The following CAP2 variants were observed in gnomAD, a reference collection of about 807,000 sequenced individuals.
CAP2 encodes cyclase associated actin cytoskeleton regulatory protein 2, also known as adenylyl cyclase-associated protein 2.
Under a neutral mutation model 57.7 loss-of-function variants are expected in CAP2, and 24 were observed. The ratio of observed to expected loss-of-function variants is 0.42; its 90% confidence interval spans 0.30 to 0.58. The LOEUF is 0.58. Among genes scored for constraint, CAP2 ranks in the 20% least tolerant of loss-of-function variants. The pLI, the probability that CAP2 is intolerant of heterozygous loss-of-function variation, is 0.22. For synonymous variants in CAP2, 194 were observed against 207.2 expected (o/e 0.94, Z 0.55); for missense variants, 501 against 590.3 (o/e 0.85, Z 1.57).
At chr6:17,476,332 A>G (rs1761150010) in intron 4 of CAP2, among the ~76,000 whole-genome samples, 1 of 152,226 alleles carries the variant, frequency 6.6e-6, no homozygotes, top group Admixed American at 6.5e-5. Flanking sequence ...GGATGGCCAT[A>G]GTAAATAATC....
intron 4 of CAP2, among the ~76,000 whole-genome samples, chr6:17,486,913 G>A (rs1221181818): frequency 1.3e-5 from 2 of 152,154 alleles, no homozygotes; most frequent in African/African-American, 2.4e-5. Context: ...TCCAGGCCCA[G>A]CCACTGCAGA....
At chr6:17,454,205 C>T (rs748629034) in intron 3 of CAP2, among the ~76,000 whole-genome samples, 8 of 152,040 alleles carry the variant, frequency 5.3e-5, no homozygotes, top group Non-Finnish European at 7.4e-5. Context: ...CCACTGCGTC[C>T]GGCTCAGGGC....
At chr6:17,526,567 G>C (rs894787238) in intron 7 of CAP2, among the ~76,000 whole-genome samples, 1 of 152,220 alleles carries the variant, frequency 6.6e-6, no homozygotes, top group African/African-American at 2.4e-5. Context: ...TCAGGAAACA[G>C]AAGGTAGTAT....
chr6:17,502,038 G>A (rs1761835050), intron 4 of CAP2, among the ~76,000 whole-genome samples: 1 of 152,200 alleles, frequency 6.6e-6, no homozygotes, highest in Non-Finnish European at 1.5e-5. Flanking sequence ...TTAACAAAAA[G>A]TAATCTGAGT....
At chr6:17,433,111 T>C (rs1312162452) in intron 3 of CAP2, among the ~76,000 whole-genome samples, 1 of 152,032 alleles carries the variant, frequency 6.6e-6, no homozygotes, top group African/African-American at 2.4e-5. Context: ...AGGAATCTAG[T>C]CTCCAGAGTC....
chr6:17,446,660 C>T (rs1760266881), intron 3 of CAP2, among the ~76,000 whole-genome samples: 1 of 152,214 alleles, frequency 6.6e-6, no homozygotes, highest in African/African-American at 2.4e-5. Context: ...ACAGTTTAAA[C>T]ATCCATGTCT....
intron 1 of CAP2, among the ~76,000 whole-genome samples, chr6:17,402,177 G>A (rs558268324): frequency 2.0e-5 from 3 of 152,296 alleles, no homozygotes; most frequent in African/African-American, 4.8e-5. Flanking sequence ...GAATGGACCT[G>A]TAATGGAGAC....
chr6:17,524,893 CTT>C (rs11325666), intron 7 of CAP2, among the ~76,000 whole-genome samples: 358 of 109,602 alleles, frequency 3.3e-3, no homozygotes, highest in Non-Finnish European at 4.3e-3. Flanking sequence ...CTTTTCTTTT[CTT>C]TTTTTTTTTT....
intron 1 of CAP2, among the ~76,000 whole-genome samples, chr6:17,407,515 G>A (rs561565885): frequency 4.6e-4 from 69 of 151,050 alleles, no homozygotes; most frequent in African/African-American, 1.6e-3. Flanking sequence ...ATTGCCTCAC[G>A]CCTGTAATCC....
chr6:17,424,171 C>T (rs1043253759), intron 2 of CAP2, among the ~76,000 whole-genome samples: 4 of 151,908 alleles, frequency 2.6e-5, no homozygotes, highest in African/African-American at 7.3e-5. Flanking sequence ...GAGGCCGCGG[C>T]GAGCCGATCA....
At chr6:17,496,058 CT>C (rs1227216318) in intron 4 of CAP2, among the ~76,000 whole-genome samples, 1 of 134,062 alleles carries the variant, frequency 7.5e-6, no homozygotes, top group African/African-American at 2.7e-5. Context: ...GGAAAACAGG[CT>C]GCTTTACCTC....
intron 3 of CAP2, among the ~76,000 whole-genome samples, chr6:17,444,843 C>CACACAA (rs1554123214): frequency 5.7e-5 from 8 of 139,632 alleles, no homozygotes; most frequent in Non-Finnish European, 9.4e-5. Context: ...CACACACACA[C>CACACAA]AACACGAGTC....
intron 7 of CAP2, among the ~76,000 whole-genome samples, chr6:17,526,412 C>G (rs1762511920): frequency 6.6e-6 from 1 of 151,998 alleles, no homozygotes; most frequent in African/African-American, 2.4e-5. Flanking sequence ...GCCACCGCAC[C>G]CAGCCAAAAT....
chr6:17,502,925 G>A (rs1222355931), intron 4 of CAP2, among the ~76,000 whole-genome samples: 1 of 152,194 alleles, frequency 6.6e-6, no homozygotes, highest in Non-Finnish European at 1.5e-5. Flanking sequence ...CTTTGATCAG[G>A]TGTTGTATTT....
At position 17,465,438 on chromosome 6, in the gene CAP2, C is replaced by T. The variant is rs563493366; in HGVS notation, c.300+2365C>T. On this transcript the variant is annotated intron_variant, in intron 4 of 12. Coordinates refer to ENST00000229922, the MANE Select transcript of CAP2 (RefSeq NM_006366.3). ...ACGTCTGGCAGCACTTACCACAGTG[C>T]TCCATGTGCAATAAGGCCTGGACCA... Among the ~76,000 whole-genome samples, 6 of 152,318 alleles carry T rather than the reference C, an allele frequency of 3.9e-5. No individual in the cohort carries two copies. In the South Asian group the frequency reaches 1.0e-3, roughly 26 times the overall value.
chr6:17,531,797 C>T, intron 7 of CAP2: 1 of 571,562 alleles, frequency 1.7e-6, no homozygotes. Context: ...AAGATACCTG[C>T]AAATCACCCA....
At chr6:17,445,525 C>T (rs928743098) in intron 3 of CAP2, among the ~76,000 whole-genome samples, 2 of 152,120 alleles carry the variant, frequency 1.3e-5, no homozygotes, top group South Asian at 2.1e-4. Context: ...TGATAGCGAT[C>T]GGGCAAGAAA....
At position 17,541,950 on chromosome 6, in the gene CAP2, G is replaced by A. The variant is rs1033971226; in HGVS notation, c.1002+802G>A. ...GGTAAAATAGACGTAGCATAAAATGGACTGTTCACCATGTTTAACTGTCCA... is the reference window on the plus strand; with the variant it reads ...GGTAAAATAGACGTAGCATAAAATGAACTGTTCACCATGTTTAACTGTCCA... On this transcript the variant is annotated intron_variant, in intron 9 of 12. Coordinates refer to ENST00000229922, the MANE Select transcript of CAP2 (RefSeq NM_006366.3). 2.0e-5 allele frequency among the ~76,000 whole-genome samples: 3 copies of A among 152,060 alleles called. No individual in the cohort carries two copies. In the South Asian group the frequency reaches 6.2e-4, roughly 32 times the overall value.
At chr6:17,438,053 A>C (rs76201345) in intron 3 of CAP2, among the ~76,000 whole-genome samples, 3,150 of 151,474 alleles carry the variant, frequency 0.021, 165 homozygotes, top group African/African-American at 0.071. Context: ...CCCCATTGTC[A>C]CTATGGCATT....
Sources: allele counts gnomAD v4.1 joint callset (sites outside exome capture counted in the v4.1 genomes callset), GRCh38; gene constraint gnomAD v4.1.1; transcripts MANE v1.5; gene names NCBI Gene and HGNC (gene_info 2026-07-23, HGNC 2026-07-21).